FAM210A: variants seen among roughly 807,000 people sequenced by gnomAD.
The protein encoded by FAM210A is family with sequence similarity 210 member A.
Under a neutral mutation model 25.3 loss-of-function variants are expected in FAM210A, and 13 were observed. The observed-to-expected ratio is 0.51, with a 90% CI of 0.33 to 0.82. The LOEUF (loss-of-function observed/expected upper bound fraction) is 0.82. Ranked by LOEUF, FAM210A falls within the 40% of genes least tolerant of loss-of-function variation. FAM210A has a pLI of 0.02. For synonymous variants in FAM210A, 125 were observed against 118.7 expected (o/e 1.05, Z -0.35); for missense variants, 319 against 323.2 (o/e 0.99, Z 0.10).
chr18:13,700,291 C>A (rs938450491), intron 1 of FAM210A, among the ~76,000 whole-genome samples: 7 of 152,162 alleles, frequency 4.6e-5, no homozygotes, highest in Admixed American at 4.6e-4. Flanking sequence ...AGATTTTAGG[C>A]AGAATTATAG....
In FAM210A at chr18:13,684,813, A is replaced by G. The variant is rs527410481; in HGVS notation, c.-28-2708T>C. On this transcript the variant is annotated intron_variant, in intron 1 of 3. Coordinates refer to ENST00000651643, the MANE Select transcript of FAM210A (RefSeq NM_152352.4). ...AGCAGACCCCATGCTGGGCCATTAAATATACTGTAACAAATTCTAAAAAAT... is the reference window on the plus strand; with the variant it reads ...AGCAGACCCCATGCTGGGCCATTAAGTATACTGTAACAAATTCTAAAAAAT... Among the ~76,000 whole-genome samples the G allele has an allele frequency of 1.2e-4, 19 of 152,342 alleles. No individual in the cohort carries two copies. In the South Asian group the frequency reaches 3.9e-3, roughly 32 times the overall value.
chr18:13,672,607 A>G (rs2043452942), intron 2 of FAM210A, among the ~76,000 whole-genome samples: 1 of 152,202 alleles, frequency 6.6e-6, no homozygotes, highest in Non-Finnish European at 1.5e-5. Flanking sequence ...ATGGGGCTTC[A>G]TCATGTAGGC....
chr18:13,711,879 T>C (rs2043824445), intron 1 of FAM210A, among the ~76,000 whole-genome samples: 1 of 152,176 alleles, frequency 6.6e-6, no homozygotes, highest in African/African-American at 2.4e-5. Flanking sequence ...CCCAAATATG[T>C]GCCTCCTTTG....
intron 1 of FAM210A, among the ~76,000 whole-genome samples, chr18:13,707,162 C>T (rs746870716): frequency 9.2e-5 from 14 of 152,170 alleles, no homozygotes; most frequent in Non-Finnish European, 1.5e-4. Context: ...TGCTGAATCT[C>T]GAAACCCAAA....
At chr18:13,676,598 C>A (rs2043505629) in intron 2 of FAM210A, among the ~76,000 whole-genome samples, 2 of 152,240 alleles carry the variant, frequency 1.3e-5, no homozygotes, top group African/African-American at 4.8e-5. Flanking sequence ...CATTCACCTA[C>A]ATAAGCATCA....
At chr18:13,717,196 C>A (rs1011023013) in intron 1 of FAM210A, among the ~76,000 whole-genome samples, 1 of 152,156 alleles carries the variant, frequency 6.6e-6, no homozygotes, top group East Asian at 1.9e-4. Flanking sequence ...TTAATCCCCC[C>A]AAGCAATGTT....
At chr18:13,712,377 A>C (rs1044393697) in intron 1 of FAM210A, among the ~76,000 whole-genome samples, 8 of 152,238 alleles carry the variant, frequency 5.3e-5, no homozygotes, top group Non-Finnish European at 7.3e-5. Flanking sequence ...AAAAATTGTA[A>C]GAAAATTCAA....
intron 1 of FAM210A, among the ~76,000 whole-genome samples, chr18:13,705,876 A>C (rs1432634900): frequency 6.6e-6 from 1 of 152,212 alleles, no homozygotes; most frequent in African/African-American, 2.4e-5. Context: ...TCATTTAAAC[A>C]TTTGTAGAGG....
rs1427588415 is a variant in FAM210A, at chr18:13,681,797, C to G, written c.281G>C (p.Arg94Thr). Residue 94 changes from arginine to threonine, a missense_variant, in exon 2 of 4, where the codon AGG becomes ACG. Arg to Thr is a moderately conservative substitution (Grantham distance 71). Coordinates refer to ENST00000651643, the MANE Select transcript of FAM210A (RefSeq NM_152352.4). ...AGCTGTGGCACTGGATGAAAAAACC[C>G]TCCTGAATGAAACATGTTGCTTCCC... Reference protein sequence around the residue: ...KQGKQHVSFRRVFSSSATAQG... With the variant: ...KQGKQHVSFRTVFSSSATAQG... 6.2e-7 allele frequency: 1 copy of G among 1,614,160 alleles called. No individual in the cohort carries two copies.
At chr18:13,686,204 T>C (rs2043595481) in intron 1 of FAM210A, among the ~76,000 whole-genome samples, 3 of 152,146 alleles carry the variant, frequency 2.0e-5, no homozygotes, top group Non-Finnish European at 2.9e-5. Context: ...TGAGAAAAGA[T>C]CTTATCTGAG....
intron 1 of FAM210A, among the ~76,000 whole-genome samples, chr18:13,685,100 T>C (rs547776413): frequency 2.4e-4 from 36 of 152,310 alleles, no homozygotes; most frequent in Non-Finnish European, 3.8e-4. Context: ...TCCAAATTCC[T>C]ATCTAAGGGG....
chr18:13,706,843 G>A (rs113887637), intron 1 of FAM210A, among the ~76,000 whole-genome samples: 35 of 152,302 alleles, frequency 2.3e-4, no homozygotes, highest in African/African-American at 6.7e-4. Flanking sequence ...TAAAAATTCC[G>A]TTGTAGGGGA....
intron 2 of FAM210A, among the ~76,000 whole-genome samples, chr18:13,679,680 T>C (rs1452557408): frequency 2.0e-5 from 3 of 152,118 alleles, no homozygotes; most frequent in South Asian, 2.1e-4. Flanking sequence ...TGCTAACAAA[T>C]AGCCCCAAAG....
intron 2 of FAM210A, among the ~76,000 whole-genome samples, chr18:13,674,074 T>C (rs879789114): frequency 6.9e-6 from 1 of 144,692 alleles, no homozygotes; most frequent in African/African-American, 2.6e-5. Flanking sequence ...CTGATTATTA[T>C]AATTCCTGAG....
chr18:13,707,829 C>G (rs2043790786), intron 1 of FAM210A, among the ~76,000 whole-genome samples: 1 of 152,186 alleles, frequency 6.6e-6, no homozygotes, highest in Admixed American at 6.5e-5. Context: ...TCAAATAAGG[C>G]AAACGCCGAC....
intron 1 of FAM210A, among the ~76,000 whole-genome samples, chr18:13,718,854 A>G (rs770959704): frequency 1.3e-5 from 2 of 152,226 alleles, no homozygotes; most frequent in Non-Finnish European, 2.9e-5. Flanking sequence ...GGTGAAAAAT[A>G]CTAGTAACCT....
At chr18:13,669,759 T>G (rs533439197) in intron 3 of FAM210A, among the ~76,000 whole-genome samples, 2 of 152,220 alleles carry the variant, frequency 1.3e-5, no homozygotes, top group South Asian at 4.1e-4. Context: ...GTACCTAGAA[T>G]GGTACCTAGC....
At chr18:13,690,994 GC>G (rs2043639307) in intron 1 of FAM210A, among the ~76,000 whole-genome samples, 1 of 152,188 alleles carries the variant, frequency 6.6e-6, no homozygotes, top group Non-Finnish European at 1.5e-5. Context: ...TCGCAAAGAA[GC>G]TAAAAACCTT....
chr18:13,694,869 G>A (rs186046963), intron 1 of FAM210A, among the ~76,000 whole-genome samples: 82 of 152,294 alleles, frequency 5.4e-4, no homozygotes, highest in Admixed American at 1.4e-3. Flanking sequence ...TGATAAATGG[G>A]ATCTAATTAA....
Sources: gnomAD v4.1 joint callset for allele counts (sites outside exome capture counted in the v4.1 genomes callset) on GRCh38, gnomAD v4.1.1 for gene constraint, MANE v1.5 for transcripts, NCBI Gene and HGNC (gene_info 2026-07-23, HGNC 2026-07-21) for gene names.